The following PALM2AKAP2 variants were observed in gnomAD, a reference collection of about 807,000 sequenced individuals.
PALM2AKAP2 encodes PALM2-AKAP2 fusion protein.
Under a neutral mutation model 71.5 loss-of-function variants are expected in PALM2AKAP2, and 37 were observed. That is an observed-to-expected ratio of 0.52 (90% CI 0.40 to 0.68). The LOEUF is 0.68. Ranked by LOEUF, PALM2AKAP2 falls within the 30% of genes least tolerant of loss-of-function variation. PALM2AKAP2 has a pLI of 0.00. For synonymous variants in PALM2AKAP2, 468 were observed against 478.8 expected (o/e 0.98, Z 0.29); for missense variants, 1,224 against 1,191.8 (o/e 1.03, Z -0.40).
intron 5 of PALM2AKAP2, among the ~76,000 whole-genome samples, chr9:109,929,504 C>T (rs889312847): frequency 2.0e-5 from 3 of 152,178 alleles, no homozygotes; most frequent in African/African-American, 7.2e-5. Flanking sequence ...CTGCCTTGTG[C>T]TGCTTTGGGG....
intron 1 of PALM2AKAP2, among the ~76,000 whole-genome samples, chr9:109,858,928 C>T (rs981154625): frequency 7.2e-5 from 11 of 152,144 alleles, no homozygotes; most frequent in East Asian, 1.9e-4. Context: ...AGGGTCACAC[C>T]GTGGGCAGAC....
chr9:109,983,895 A>AG (rs1176581202), intron 6 of PALM2AKAP2, among the ~76,000 whole-genome samples: 1 of 152,146 alleles, frequency 6.6e-6, no homozygotes, highest in Non-Finnish European at 1.5e-5. Flanking sequence ...AGAAAAAAAA[A>AG]TTGTGAGTCA....
At chr9:110,052,312 C>T (rs1395387772) in intron 1 of PALM2AKAP2, among the ~76,000 whole-genome samples, 5 of 152,230 alleles carry the variant, frequency 3.3e-5, no homozygotes, top group Non-Finnish European at 7.3e-5. Context: ...ATGAGCCTCA[C>T]CCAGCAGCAC....
chr9:110,077,737 C>T (rs1379370692), intron 1 of PALM2AKAP2, among the ~76,000 whole-genome samples: 2 of 152,116 alleles, frequency 1.3e-5, no homozygotes, highest in Non-Finnish European at 2.9e-5. Context: ...AGGTCTTAGC[C>T]GAGTGCAGTG....
chr9:109,882,955 G>C (rs1304796932), intron 3 of PALM2AKAP2, among the ~76,000 whole-genome samples: 1 of 152,040 alleles, frequency 6.6e-6, no homozygotes, highest in East Asian at 1.9e-4. Flanking sequence ...GTCCTATTCT[G>C]TTTTTCTTAA....
At chr9:109,837,720 G>T in intron 1 of PALM2AKAP2, among the ~76,000 whole-genome samples, 1 of 152,074 alleles carries the variant, frequency 6.6e-6, no homozygotes. Context: ...AAAGGCAGGG[G>T]TTGCAATCCT....
At chr9:109,823,565 C>G (rs1828066511) in intron 1 of PALM2AKAP2, among the ~76,000 whole-genome samples, 1 of 152,172 alleles carries the variant, frequency 6.6e-6, no homozygotes, top group African/African-American at 2.4e-5. Flanking sequence ...GGTGAAACCA[C>G]AGTGGAGACC....
intron 6 of PALM2AKAP2, among the ~76,000 whole-genome samples, chr9:109,971,897 T>G (rs577893565): frequency 6.6e-6 from 1 of 152,290 alleles, no homozygotes; most frequent in East Asian, 1.9e-4. Flanking sequence ...GACACACTTC[T>G]TTGCAACTCC....
chr9:109,952,463 T>C (rs1831662313), intron 6 of PALM2AKAP2, among the ~76,000 whole-genome samples: 1 of 152,232 alleles, frequency 6.6e-6, no homozygotes, highest in Non-Finnish European at 1.5e-5. Context: ...TTTTTAAATG[T>C]CTTTATGCAT....
chr9:109,945,214 G>A (rs1388986967), intron 6 of PALM2AKAP2: 1 of 151,934 alleles, frequency 6.6e-6, no homozygotes, highest in Admixed American at 6.6e-5. Context: ...GCATTTTAAT[G>A]AGCACAAAAT....
chr9:109,985,582 T>A (rs1832358896), intron 6 of PALM2AKAP2, among the ~76,000 whole-genome samples: 1 of 143,814 alleles, frequency 7.0e-6, no homozygotes, highest in South Asian at 2.3e-4. Flanking sequence ...ATGGCACCAC[T>A]GCACTCCAGC....
At chr9:109,987,889 G>A (rs1390298056) in intron 6 of PALM2AKAP2, among the ~76,000 whole-genome samples, 1 of 152,218 alleles carries the variant, frequency 6.6e-6, no homozygotes, top group Admixed American at 6.5e-5. Context: ...CTTCATCTGT[G>A]TCTCTTTTAA....
At chr9:109,901,966 C>A (rs1376245315) in intron 3 of PALM2AKAP2, among the ~76,000 whole-genome samples, 2 of 152,164 alleles carry the variant, frequency 1.3e-5, no homozygotes, top group Non-Finnish European at 2.9e-5. Flanking sequence ...TCCGCTGTCT[C>A]CTTTTCTTTT....
intron 1 of PALM2AKAP2, among the ~76,000 whole-genome samples, chr9:109,824,019 A>G (rs114267507): frequency 0.015 from 2,252 of 152,164 alleles, 62 homozygotes; most frequent in African/African-American, 0.052. Context: ...ACTCCCAAGT[A>G]TCTGGGACTA....
chr9:109,727,716 C>A, intron 1 of PALM2AKAP2, among the ~76,000 whole-genome samples: 1 of 152,198 alleles, frequency 6.6e-6, no homozygotes, highest in East Asian at 1.9e-4. Context: ...ACTCAATGGT[C>A]ATATTTTTCA....
intron 1 of PALM2AKAP2, among the ~76,000 whole-genome samples, chr9:110,111,469 G>T (rs1369774270): frequency 4.6e-5 from 7 of 152,220 alleles, no homozygotes; most frequent in African/African-American, 9.6e-5. Context: ...GCTGAATGGT[G>T]CATTGCAGCA....
chr9:110,132,527 A>G (rs1835758059), intron 1 of PALM2AKAP2, among the ~76,000 whole-genome samples: 1 of 151,996 alleles, frequency 6.6e-6, no homozygotes, highest in Admixed American at 6.5e-5. Flanking sequence ...ACAGGGTTTC[A>G]CCATGTTGGT....
intron 1 of PALM2AKAP2, among the ~76,000 whole-genome samples, chr9:110,128,494 C>A (rs1188273939): frequency 6.6e-6 from 1 of 152,188 alleles, no homozygotes; most frequent in Non-Finnish European, 1.5e-5. Flanking sequence ...TTTGGTGGAA[C>A]TTATAAATAA....
chr9:109,846,460 C>A (rs530545404), intron 1 of PALM2AKAP2, among the ~76,000 whole-genome samples: 1 of 152,342 alleles, frequency 6.6e-6, no homozygotes, highest in East Asian at 1.9e-4. Flanking sequence ...ACTTAGCCCT[C>A]ACCAAGCTGT....
Sources: allele counts gnomAD v4.1 joint callset (sites outside exome capture counted in the v4.1 genomes callset), GRCh38; gene constraint gnomAD v4.1.1; transcripts MANE v1.5; gene names NCBI Gene and HGNC (gene_info 2026-07-23, HGNC 2026-07-21).